SPIDR: variants seen among roughly 807,000 people sequenced by gnomAD.
SPIDR encodes scaffold protein involved in DNA repair.
Under a neutral mutation model 104.6 loss-of-function variants are expected in SPIDR, and 93 were observed. The ratio of observed to expected loss-of-function variants is 0.89; its 90% CI spans 0.75 to 1.06. SPIDR has a LOEUF of 1.06. SPIDR is among the 50% of genes least tolerant of loss of function. SPIDR has a pLI of 0.00. For missense variants in SPIDR, 1,154 were observed against 1,111.2 expected, an observed-to-expected ratio of 1.04 and a Z score of -0.55; for synonymous variants, 431 against 416.9, an observed-to-expected ratio of 1.03 and a Z score of -0.41.
intron 8 of SPIDR, among the ~76,000 whole-genome samples, chr8:47,590,838 G>A (rs568568585): frequency 5.1e-4 from 78 of 152,262 alleles, no homozygotes; most frequent in Middle Eastern, 3.4e-3. Flanking sequence ...GTTTGTTGCA[G>A]ATACATTTAG....
At chr8:47,268,023 T>C (rs1201608510) in intron 1 of SPIDR, among the ~76,000 whole-genome samples, 2 of 152,226 alleles carry the variant, frequency 1.3e-5, no homozygotes, top group African/African-American at 4.8e-5. Context: ...CACTGTGAGG[T>C]AGGGGTACAA....
At chr8:47,504,439 C>G (rs2081142130) in intron 8 of SPIDR, among the ~76,000 whole-genome samples, 1 of 152,174 alleles carries the variant, frequency 6.6e-6, no homozygotes, top group Non-Finnish European at 1.5e-5. Context: ...GCTACTGAGG[C>G]TTGTGCATTT....
At chr8:47,488,640 A>G (rs2078121303) in intron 8 of SPIDR, among the ~76,000 whole-genome samples, 1 of 152,194 alleles carries the variant, frequency 6.6e-6, no homozygotes, top group South Asian at 2.1e-4. Context: ...GCCCATCAAA[A>G]AGCTTATCCA....
chr8:47,536,057 G>A (rs1244009536), intron 8 of SPIDR, among the ~76,000 whole-genome samples: 1 of 149,904 alleles, frequency 6.7e-6, no homozygotes, highest in Non-Finnish European at 1.5e-5. Context: ...ATTTACATTT[G>A]CATCAAAAAA....
At chr8:47,436,158 TGCTCTTGGGGTAGCC>T (rs556668378) in intron 7 of SPIDR, among the ~76,000 whole-genome samples, 1 of 152,308 alleles carries the variant, frequency 6.6e-6, no homozygotes, top group South Asian at 2.1e-4. Context: ...GTGATTGTAG[TGCTCTTGGGGTAGCC>T]GCTACTGTGT....
intron 7 of SPIDR, among the ~76,000 whole-genome samples, chr8:47,409,840 G>A (rs1203210082): frequency 1.3e-5 from 2 of 152,180 alleles, no homozygotes; most frequent in Non-Finnish European, 2.9e-5. Flanking sequence ...GCCAGCCTGA[G>A]CAATGTAGTG....
chr8:47,550,552 A>G (rs2090281068), intron 8 of SPIDR, among the ~76,000 whole-genome samples: 1 of 152,082 alleles, frequency 6.6e-6, no homozygotes, highest in Non-Finnish European at 1.5e-5. Context: ...TTCACTCATG[A>G]TTTGGCTCTC....
chr8:47,514,767 CA>C, intron 8 of SPIDR, among the ~76,000 whole-genome samples: 1 of 152,090 alleles, frequency 6.6e-6, no homozygotes, highest in Non-Finnish European at 1.5e-5. Flanking sequence ...AACAAATAAA[CA>C]ATATACTACA....
At chr8:47,546,182 A>G (rs2089334559) in intron 8 of SPIDR, among the ~76,000 whole-genome samples, 1 of 151,352 alleles carries the variant, frequency 6.6e-6, no homozygotes, top group South Asian at 2.1e-4. Context: ...GAGAATTGAT[A>G]CTAATTGTTT....
At chr8:47,484,293 G>A (rs918187045) in intron 8 of SPIDR, among the ~76,000 whole-genome samples, 1 of 152,218 alleles carries the variant, frequency 6.6e-6, no homozygotes, top group Admixed American at 6.5e-5. Flanking sequence ...GTCTTTTAAG[G>A]GCTTTATACA....
chr8:47,321,230 G>A (rs202023670), intron 5 of SPIDR, among the ~76,000 whole-genome samples: 2 of 152,194 alleles, frequency 1.3e-5, no homozygotes, highest in African/African-American at 4.8e-5. Context: ...TAAGCTGATA[G>A]GCAACTTCAG....
chr8:47,473,387 G>A (rs984112591), intron 8 of SPIDR, among the ~76,000 whole-genome samples: 1 of 152,134 alleles, frequency 6.6e-6, no homozygotes. Flanking sequence ...GACTTGGCTT[G>A]TTCTCAAAAT....
chr8:47,667,885 A>G (rs1448241340), intron 10 of SPIDR: 8 of 152,214 alleles, frequency 5.3e-5, no homozygotes. Flanking sequence ...TTTTAGTAAT[A>G]TTAATAAAAC....
chr8:47,546,511 G>A (rs2089414357), intron 8 of SPIDR, among the ~76,000 whole-genome samples: 1 of 151,990 alleles, frequency 6.6e-6, no homozygotes, highest in Admixed American at 6.5e-5. Context: ...TGTCAGTCTT[G>A]CTAGACATTT....
chr8:47,712,278 C>T (rs969422577), intron 14 of SPIDR, among the ~76,000 whole-genome samples: 4 of 152,178 alleles, frequency 2.6e-5, no homozygotes, highest in African/African-American at 9.6e-5. Flanking sequence ...GTTCCTAACC[C>T]TCAGGAAACT....
intron 8 of SPIDR, among the ~76,000 whole-genome samples, chr8:47,468,558 C>G (rs2075245437): frequency 6.6e-6 from 1 of 152,152 alleles, no homozygotes; most frequent in Admixed American, 6.5e-5. Context: ...CGCACACCTA[C>G]AGTCATCTGA....
rs185897513 is a variant in SPIDR, at chr8:47,572,756, A to G, written c.1098-23055A>G. ...GTTTCCTTTGAAGATGTGGTTTGCA[A>G]TTGAGAAACATTTTTGAGACAGAAA... On this transcript the variant is annotated intron_variant, in intron 8 of 19. Coordinates refer to ENST00000297423, the MANE Select transcript of SPIDR (RefSeq NM_001080394.4). Among the ~76,000 whole-genome samples the G allele has an allele frequency of 1.4e-4, 21 of 152,252 alleles. No individual in the cohort carries two copies. In the East Asian group the frequency reaches 2.3e-3, roughly 17 times the overall value.
At chr8:47,679,547 A>C (rs1293902302) in intron 11 of SPIDR, among the ~76,000 whole-genome samples, 8 of 80,760 alleles carry the variant, frequency 9.9e-5, no homozygotes, top group South Asian at 4.3e-4. Flanking sequence ...CACTTCCCCC[A>C]TCCCCTCCAG....
intron 5 of SPIDR, among the ~76,000 whole-genome samples, chr8:47,370,421 G>A (rs1189931973): frequency 2.0e-5 from 3 of 148,680 alleles, no homozygotes; most frequent in Non-Finnish European, 4.5e-5. Flanking sequence ...GAAGCTTTCA[G>A]TAAGTGAAGA....
Sources: gnomAD v4.1 joint callset for allele counts (sites outside exome capture counted in the v4.1 genomes callset) on GRCh38, gnomAD v4.1.1 for gene constraint, MANE v1.5 for transcripts, NCBI Gene and HGNC (gene_info 2026-07-23, HGNC 2026-07-21) for gene names.